The following EYS variants were observed in gnomAD, a reference collection of about 807,000 sequenced individuals.
EYS encodes protein eyes shut homolog.
A neutral mutation model predicts 282.1 loss-of-function variants in EYS; 250 were observed. The observed-to-expected ratio is 0.89, with a 90% CI of 0.80 to 0.98. EYS has a LOEUF of 0.98. Ranked by LOEUF, EYS falls within the 50% of genes least tolerant of loss-of-function variation. The pLI, the probability that EYS is intolerant of heterozygous loss-of-function variation, is 0.00. For synonymous variants in EYS, 1,355 were observed against 1,282.9 expected, an observed-to-expected ratio of 1.06 and a Z score of -1.20; for missense variants, 4,016 against 3,709.0, an observed-to-expected ratio of 1.08 and a Z score of -2.15.
intron 29 of EYS, among the ~76,000 whole-genome samples, chr6:64,336,672 C>A (rs544987868): frequency 3.3e-5 from 5 of 152,188 alleles, no homozygotes; most frequent in African/African-American, 1.2e-4. Flanking sequence ...GCAGAATACA[C>A]ATTCTATTCA....
At chr6:64,541,459 C>A (rs1216761609) in intron 26 of EYS, among the ~76,000 whole-genome samples, 1 of 152,136 alleles carries the variant, frequency 6.6e-6, no homozygotes, top group Admixed American at 6.5e-5. Context: ...TGGTCATCTA[C>A]CTCTCCAAAC....
chr6:64,776,893 A>T (rs1221707719), intron 22 of EYS, among the ~76,000 whole-genome samples: 1 of 152,096 alleles, frequency 6.6e-6, no homozygotes, highest in Non-Finnish European at 1.5e-5. Context: ...GTTTATTCTC[A>T]TGCTGCTATA....
chr6:64,230,364 T>C (rs942722741), intron 31 of EYS, among the ~76,000 whole-genome samples: 2 of 152,176 alleles, frequency 1.3e-5, no homozygotes, highest in Non-Finnish European at 2.9e-5. Flanking sequence ...TATATGGCAA[T>C]TGGAAATATA....
chr6:65,237,570 C>T (rs1766960042), intron 12 of EYS, among the ~76,000 whole-genome samples: 1 of 152,038 alleles, frequency 6.6e-6, no homozygotes, highest in East Asian at 1.9e-4. Context: ...GACCCTGTCT[C>T]AATCAATCAA....
chr6:65,248,042 A>G lies in EYS; in HGVS notation c.2023+47821T>C, dbSNP rs529187867. The stretch of plus-strand genomic sequence containing the variant: ...CCCTACAATTTACTCTATAAAAAAG[A>G]TTATTTAAAAGAAAGAAAAGCAAAA... On this transcript the variant is annotated intron_variant, in intron 12 of 42. Transcript: ENST00000503581. Among the ~76,000 whole-genome samples the G allele has an allele frequency of 6.6e-5, 10 of 152,126 alleles. 1 individual carries two copies. In the South Asian group the frequency reaches 2.1e-3, roughly 32 times the overall value.
chr6:64,249,657 T>C (rs1767142444), intron 30 of EYS, among the ~76,000 whole-genome samples: 1 of 152,118 alleles, frequency 6.6e-6, no homozygotes, highest in African/African-American at 2.4e-5. Context: ...TCAATGGACT[T>C]GAAGAAGCAA....
At chr6:64,719,514 A>G (rs1771503561) in intron 22 of EYS, among the ~76,000 whole-genome samples, 1 of 152,232 alleles carries the variant, frequency 6.6e-6, no homozygotes, top group Non-Finnish European at 1.5e-5. Context: ...TAAGAGCAGC[A>G]TGAAAGGAAC....
intron 32 of EYS, among the ~76,000 whole-genome samples, chr6:64,076,597 T>C (rs778125381): frequency 2.0e-5 from 3 of 151,698 alleles, no homozygotes; most frequent in African/African-American, 4.8e-5. Context: ...TTATAAGGAG[T>C]TTCCCCTTTT....
At chr6:64,377,114 T>C (rs1012849750) in intron 29 of EYS, among the ~76,000 whole-genome samples, 1 of 152,150 alleles carries the variant, frequency 6.6e-6, no homozygotes, top group South Asian at 2.1e-4. Flanking sequence ...GATGGATAGA[T>C]AGATAGATAG....
In EYS at chr6:64,343,987, A is replaced by C. The variant is rs1042284212; in HGVS notation, c.6079-36905T>G. ...TGGATAAATTCCTGGACACATACAC[A>C]CTCCCAAGACTAAACCAGGAAGAAG... is the stretch of plus-strand genomic sequence containing the variant. On this transcript the variant is annotated intron_variant, in intron 29 of 42. Transcript: ENST00000503581. Among the ~76,000 whole-genome samples the C allele has an allele frequency of 2.6e-3, 396 of 151,834 alleles. 2 individuals carry two copies. Among genetic ancestry groups the C allele is most frequent in the African/African-American group, 8.9e-3 (369 of 41,476 alleles).
At chr6:64,674,085 C>T (rs1769563006) in intron 22 of EYS, among the ~76,000 whole-genome samples, 1 of 151,948 alleles carries the variant, frequency 6.6e-6, no homozygotes, top group Non-Finnish European at 1.5e-5. Context: ...ACTAGTGATA[C>T]AGAGAAATGT....
Position 65,495,357 on chromosome 6 carries a change from G to A in EYS, c.54C>T (p.Phe18=), listed in dbSNP as rs1031123649. The change falls in exon 4 of 43, where the codon TTC becomes TTT. Residue 18 remains phenylalanine (F), a synonymous_variant. Transcript: ENST00000503581. Reference sequence around the variant, plus strand: ...GCCGTCTACATGTTTTTCCATTTATGAAAGAGCTGTGAAAAACCATCAGGC... The same window carrying A: ...GCCGTCTACATGTTTTTCCATTTATAAAAGAGCTGTGAAAAACCATCAGGC... ...ILSLMVFHSS[F]INGKTCRRQL... is the part of the protein sequence containing the mutation. The A allele has an allele frequency of 6.2e-6, 10 of 1,613,450 alleles. No individual in the cohort carries two copies. Among genetic ancestry groups the A allele is most frequent in the Non-Finnish European group, 8.5e-6 (10 of 1,179,982 alleles).
At chr6:65,648,983 A>G (rs895180657) in intron 1 of EYS, among the ~76,000 whole-genome samples, 3 of 151,800 alleles carry the variant, frequency 2.0e-5, no homozygotes, top group Non-Finnish European at 4.4e-5. Flanking sequence ...CATCTCTACT[A>G]AAAATACAAA....
At chr6:64,150,399 A>G (rs1019976086) in intron 31 of EYS, among the ~76,000 whole-genome samples, 5 of 152,228 alleles carry the variant, frequency 3.3e-5, no homozygotes, top group Non-Finnish European at 7.3e-5. Flanking sequence ...TGTGGTTAAC[A>G]GATCTTATGA....
At chr6:64,550,516 AG>A (rs1430448596) in intron 26 of EYS, among the ~76,000 whole-genome samples, 1 of 152,206 alleles carries the variant, frequency 6.6e-6, no homozygotes, top group Admixed American at 6.5e-5. Flanking sequence ...ATACTGAATG[AG>A]CAAAAACTGG....
chr6:65,152,224 T>C (rs1051184386), intron 12 of EYS, among the ~76,000 whole-genome samples: 1 of 151,964 alleles, frequency 6.6e-6, no homozygotes, highest in Non-Finnish European at 1.5e-5. Context: ...TTCTGTTAGA[T>C]AATTATGCTG....
At chr6:64,832,895 C>A (rs1280452532) in intron 19 of EYS, among the ~76,000 whole-genome samples, 1 of 151,884 alleles carries the variant, frequency 6.6e-6, no homozygotes, top group Non-Finnish European at 1.5e-5. Flanking sequence ...CTAAGTATTT[C>A]AAAGGACATT....
chr6:64,635,436 T>C (rs991726527), intron 22 of EYS, among the ~76,000 whole-genome samples: 5 of 152,176 alleles, frequency 3.3e-5, no homozygotes, highest in African/African-American at 1.2e-4. Context: ...TTTTGCCCAT[T>C]CAGTATGATA....
At chr6:63,823,044 CTTTAG>C (rs1274904232) in intron 36 of EYS, among the ~76,000 whole-genome samples, 2 of 151,916 alleles carry the variant, frequency 1.3e-5, no homozygotes, top group Admixed American at 6.6e-5. Flanking sequence ...AAATATTTTC[CTTTAG>C]TTTATTTTTT....
Sources: allele counts gnomAD v4.1 joint callset (sites outside exome capture counted in the v4.1 genomes callset), GRCh38; gene constraint gnomAD v4.1.1; transcripts MANE v1.5; gene names NCBI Gene and HGNC (gene_info 2026-07-23, HGNC 2026-07-21).